CNTNAP1: variants seen among roughly 807,000 people sequenced by gnomAD.
CNTNAP1 encodes the protein contactin-associated protein 1.
CNTNAP1 carries 80 observed loss-of-function variants against 161.5 expected under a neutral mutation model. The observed-to-expected ratio is 0.50, with a 90% CI of 0.41 to 0.60. The LOEUF (loss-of-function observed/expected upper bound fraction) is 0.60. Ranked by LOEUF, CNTNAP1 falls within the 20% of genes least tolerant of loss-of-function variation. The probability of loss-of-function intolerance (pLI) is 0.00; values close to 1 mark genes in which losing one functional copy is unlikely to be tolerated. For missense variants in CNTNAP1, 1,464 were observed against 1,854.8 expected (o/e 0.79, Z 3.87); for synonymous variants, 695 against 733.1 (o/e 0.95, Z 0.84).
chr17:42,692,510 G>T lies in CNTNAP1; in HGVS notation c.2542G>T (p.Val848Leu). Residue 848 changes from valine (V) to leucine (L), a missense_variant, in exon 17 of 24, where the codon GTG (valine) becomes TTG (leucine). Physicochemically the swap from Val to Leu is conservative, Grantham distance 32. Coordinates refer to ENST00000264638, the MANE Select transcript of CNTNAP1 (RefSeq NM_003632.3). The stretch of plus-strand genomic sequence containing the variant: ...ATCACACTGTCCAGCATCCCGGGAT[G>T]TGGTCTTCGCCTTTGATGTGGGGAA... ...VRVELNTSRD[V>L]VFAFDVGNGD... is the part of the protein sequence containing the mutation. 1 of 1,614,074 alleles carries T rather than the reference G, an allele frequency of 6.2e-7. No homozygotes were observed. The highest frequency in any genetic ancestry group is 8.5e-7 in the Non-Finnish European group (1 of 1,179,938).
At chr17:42,684,880 G>A (rs2052983784) in intron 3 of CNTNAP1, 111 bp from the exon 4 acceptor site, 3 of 1,276,310 alleles carry the variant, frequency 2.4e-6, no homozygotes, top group Non-Finnish European at 3.2e-6. Flanking sequence ...AGCCGAGATC[G>A]TACCACCGCA....
intron 6 of CNTNAP1, 63 bp from the exon 7 acceptor site, chr17:42,686,840 A>C: frequency 1.1e-5 from 16 of 1,503,390 alleles, no homozygotes; most frequent in Non-Finnish European, 1.3e-5. Context: ...TACGGCGGGG[A>C]CGCGCGAGAA....
chr17:42,689,298 A>C (rs2053056236), intron 10 of CNTNAP1, among the ~76,000 whole-genome samples: 1 of 151,968 alleles, frequency 6.6e-6, no homozygotes, highest in African/African-American at 2.4e-5. Flanking sequence ...ATAGGGGTAG[A>C]ATAAGGCATG....
In CNTNAP1 at chr17:42,698,827, GC is replaced by G; in HGVS notation, c.4076del (p.Pro1359GlnfsTer120). On this transcript the variant is annotated frameshift_variant, in exon 24 of 24. Coordinates refer to ENST00000264638, the MANE Select transcript of CNTNAP1 (RefSeq NM_003632.3). LOFTEE classifies it high-confidence loss of function. ...CAACCAAGCTCCAGCCTCAGCCCCA[GC>G]CCCAGCCCCAACTCCAGCCCCAGCC... is the stretch of plus-strand genomic sequence containing the variant. ...APNQAPASAP[A>X]PAPTPAPAPG... The G allele has an allele frequency of 6.3e-7, 1 of 1,598,940 alleles. No homozygotes were observed.
rs560060977 is a variant in CNTNAP1, at chr17:42,686,086, A to G, written c.845A>G (p.Tyr282Cys). 11 of 1,614,198 alleles carry G rather than the reference A, an allele frequency of 6.8e-6. No homozygotes were observed. Among genetic ancestry groups the G allele is most frequent in the East Asian group, 2.2e-5 (1 of 44,890 alleles). ...GRDVNFTLDGYVQRFILNGDF... is the reference protein window; with the variant it reads ...GRDVNFTLDGCVQRFILNGDF... ...GATGTAAATTTCACCCTGGACGGCT[A>G]TGTGCAGCGCTTTATTCTCAATGGA... The change falls in exon 6 of 24, where the codon TAT becomes TGT. Residue 282 changes from tyrosine to cysteine, a missense_variant. This residue lies in a region of CNTNAP1 where 1,383 missense variants were observed against 1,765.0 expected (regional missense o/e 0.78). Transcript: ENST00000264638.
In CNTNAP1 at chr17:42,682,568, G is replaced by C. The variant is rs893687268; in HGVS notation, c.-262G>C. On this transcript the variant is annotated 5_prime_UTR_variant, in exon 1 of 24. Transcript: ENST00000264638. The stretch of plus-strand genomic sequence containing the variant: ...TGCCAGGAGACAGAGGCTGGGGAAG[G>C]GGGGAGGTGAGAGGAAAGAGGGTGG... The C allele has an allele frequency of 1.3e-4, 66 of 526,490 alleles. No individual in the cohort carries two copies. The highest frequency in any genetic ancestry group is 4.9e-4 in the Middle Eastern group (1 of 2,056). 32.6% of individuals were successfully genotyped at this position (526,490 alleles called of 1,614,324 possible).
intron 1 of CNTNAP1, 165 bp downstream of exon 1, chr17:42,683,061 C>A: frequency 1.4e-6 from 1 of 712,530 alleles, no homozygotes; most frequent in Non-Finnish European, 2.2e-6. Context: ...CGCATTGCAG[C>A]TCTGAGGCTG....
In CNTNAP1 at chr17:42,686,492, T is replaced by TTTTG. The variant is rs1385977136; in HGVS notation, c.900+352_900+353insTTGT. ...CTGTTTTTTTTTTTTTTTTTTTTTT[T>TTTTG]TGTGGGTGTTGTTGCTGTTAGCATG... is the stretch of plus-strand genomic sequence containing the variant. On this transcript the variant is annotated intron_variant, in intron 6 of 23. Transcript: ENST00000264638. Among the ~76,000 whole-genome samples the TTTTG allele has an allele frequency of 5.4e-5, 8 of 147,244 alleles. No homozygotes were observed. The East Asian group carries it at 9.8e-4, about 18-fold the overall frequency.
intron 6 of CNTNAP1, 149 bp from the exon 7 acceptor site, chr17:42,686,754 C>A (rs1401269736): frequency 2.2e-6 from 2 of 927,736 alleles, no homozygotes; most frequent in Admixed American, 2.8e-5. Context: ...AAAGGCCTAG[C>A]GAGCTTTAGT....
In CNTNAP1 at chr17:42,696,039, C is replaced by T. The variant is rs142756549; in HGVS notation, c.3361C>T (p.Arg1121Ter). 10 of 1,613,980 alleles carry T rather than the reference C, an allele frequency of 6.2e-6. No homozygotes were observed. Among genetic ancestry groups the T allele is most frequent in the Middle Eastern group, 1.6e-4 (1 of 6,084 alleles). Residue 1121 changes from arginine to a stop codon, truncating the protein, a stop_gained, in exon 20 of 24, where the codon CGA becomes TGA. Transcript: ENST00000264638. LOFTEE classifies it high-confidence loss of function. ...LIKDDGTLQL[R>*]YQLGTSPYVY... Reference sequence around the variant, plus strand: ...CCACCCCACAGGGACCCTTCAGCTGCGATATCAGCTGGGCACCAGTCCCTA... The same window carrying T: ...CCACCCCACAGGGACCCTTCAGCTGTGATATCAGCTGGGCACCAGTCCCTA...
chr17:42,688,169 G>A (rs958177199), intron 8 of CNTNAP1, among the ~76,000 whole-genome samples, 188 bp downstream of exon 8: 5 of 152,178 alleles, frequency 3.3e-5, no homozygotes, highest in African/African-American at 1.2e-4. Context: ...GAATCTGAGG[G>A]ACTAAGTATT....
intron 18 of CNTNAP1, 127 bp downstream of exon 18, chr17:42,693,663 C>CTCA (rs1420235735): frequency 7.1e-7 from 1 of 1,400,264 alleles, no homozygotes; most frequent in African/African-American, 1.4e-5. Flanking sequence ...GATTCCTGAG[C>CTCA]TCTGAGTTTG....
chr17:42,687,261 T>G lies in CNTNAP1; in HGVS notation c.1044+215T>G. On this transcript the variant is annotated intron_variant, in intron 7 of 23. Transcript: ENST00000264638. This position sits in a 1 kb window ranked among gnomAD's most constrained non-coding sequence, Gnocchi z 4.7. ...GCAGTGGTCGGGTCCAATCACCTTC[T>G]TAGTTCATAGATGAAGAAAGTAAGG... 1.7e-6 allele frequency: 1 copy of G among 599,880 alleles called. No individual in the cohort carries two copies. Among genetic ancestry groups the G allele is most frequent in the Non-Finnish European group, 2.8e-6 (1 of 351,310 alleles). The allele number at this position is 599,880 out of a possible 1,614,324, so 37.2% of individuals were successfully genotyped here.
Position 42,693,416 on chromosome 17 carries a change from A to G in CNTNAP1, c.2872A>G (p.Thr958Ala). 1.2e-6 allele frequency: 2 copies of G among 1,614,240 alleles called. No individual in the cohort carries two copies. The highest frequency in any genetic ancestry group is 1.7e-6 in the Non-Finnish European group (2 of 1,180,040). The change falls in exon 18 of 24, where the codon ACA (threonine) becomes GCA (alanine). Residue 958 changes from threonine to alanine, a missense_variant. Physicochemically the swap from Thr to Ala is moderately conservative, Grantham distance 58 (BLOSUM62 0). Coordinates refer to ENST00000264638, the MANE Select transcript of CNTNAP1 (RefSeq NM_003632.3). ...NASEGTSPNC[T>A]GHCAHPRLPC... ...CTCTGAGGGTACCTCACCCAACTGC[A>G]CAGGCCACTGTGCCCACCCTCGGCT...
chr17:42,695,624 G>T lies in CNTNAP1; in HGVS notation c.3096G>T (p.Val1032=). Residue 1032 remains valine (V), a synonymous_variant, in exon 19 of 24, where the codon GTG becomes GTT. Coordinates refer to ENST00000264638, the MANE Select transcript of CNTNAP1 (RefSeq NM_003632.3). ...TCTCCCACATGCTGAGCCGGCCAGT[G>T]CCAGGCTATGAGCCTGGCTACATCC... ...REFSHMLSRP[V]PGYEPGYIPG... The T allele has an allele frequency of 6.2e-7, 1 of 1,614,194 alleles. No individual in the cohort carries two copies. The highest frequency in any genetic ancestry group is 8.5e-7 in the Non-Finnish European group (1 of 1,180,034).
Position 42,691,906 on chromosome 17 carries a change from C to T in CNTNAP1, c.2445C>T (p.Thr815=). 2 of 1,614,184 alleles carry T rather than the reference C, an allele frequency of 1.2e-6. No individual in the cohort carries two copies. The highest frequency in any genetic ancestry group is 1.7e-6 in the Non-Finnish European group (2 of 1,180,024). The change falls in exon 16 of 24, where the codon ACC becomes ACT. Residue 815 remains threonine, a synonymous_variant. Coordinates refer to ENST00000264638, the MANE Select transcript of CNTNAP1 (RefSeq NM_003632.3). This position sits in a 1 kb window ranked among gnomAD's most constrained non-coding sequence, Gnocchi z 4.3. The part of the protein sequence containing the change: ...HSLDVSFYFR[T]SAPSGVFLEN... ...TGGATGTCTCCTTCTACTTCAGGAC[C>T]TCTGCTCCCTCGGGGGTCTTCCTAG...
Position 42,699,043 on chromosome 17 carries a change from C to T in CNTNAP1, c.*133C>T, listed in dbSNP as rs555434682. 5.5e-6 allele frequency: 4 copies of T among 732,836 alleles called. No homozygotes were observed. The highest frequency in any genetic ancestry group is 8.3e-6 in the Non-Finnish European group (4 of 479,288). 45.4% of individuals were successfully genotyped at this position (732,836 alleles called of 1,614,324 possible). A position where few individuals can be genotyped will look rare whatever the true frequency, so the allele number is the denominator to read the frequency against. Reference sequence around the variant, plus strand: ...CAGAGGATATTCCCCCATCCCCCCCCCATCAAGTTTGGTGGGCAGAGCTAC... The same window carrying T: ...CAGAGGATATTCCCCCATCCCCCCCTCATCAAGTTTGGTGGGCAGAGCTAC... On this transcript the variant is annotated 3_prime_UTR_variant, in exon 24 of 24. Coordinates refer to ENST00000264638, the MANE Select transcript of CNTNAP1 (RefSeq NM_003632.3).
chr17:42,684,289 C>G, intron 3 of CNTNAP1, 60 bp downstream of exon 3: 5 of 1,513,910 alleles, frequency 3.3e-6, no homozygotes, highest in Non-Finnish European at 4.5e-6. Flanking sequence ...GGCTCTGGGC[C>G]GGGCACCAGC....
In CNTNAP1 at chr17:42,688,001, G is replaced by T; in HGVS notation, c.1306+20G>T. ...CTGCTGGTGAGGGCGTTTCGGGGGA[G>T]GCACAAGAAGAGAAGAGAAGTGTAG... On this transcript the variant is annotated intron_variant, in intron 8 of 23. Coordinates refer to ENST00000264638, the MANE Select transcript of CNTNAP1 (RefSeq NM_003632.3). 1 of 1,607,858 alleles carries T rather than the reference G, an allele frequency of 6.2e-7. No individual in the cohort carries two copies.
Sources: gnomAD v4.1 joint callset for allele counts (sites outside exome capture counted in the v4.1 genomes callset) on GRCh38, gnomAD v4.1.1 for gene constraint, gnomAD v4.1.1 regional missense constraint, Gnocchi (gnomAD v3.1) non-coding constraint, MANE v1.5 for transcripts, NCBI Gene and HGNC (gene_info 2026-07-23, HGNC 2026-07-21) for gene names.